Variants in SLC2A12 observed in about 807,000 individuals in gnomAD.
The protein encoded by SLC2A12 is solute carrier family 2 member 12.
In SLC2A12, 23 loss-of-function variants were observed where a neutral mutation model predicts 41.8. The observed-to-expected ratio is 0.55, with a 90% CI of 0.40 to 0.78. SLC2A12 has a LOEUF of 0.78. Among genes scored for constraint, SLC2A12 ranks in the 30% least tolerant of loss-of-function variants. SLC2A12 has a pLI of 0.00. For synonymous variants in SLC2A12, 295 were observed against 285.9 expected, an observed-to-expected ratio of 1.03 and a Z score of -0.32; for missense variants, 654 against 745.6, an observed-to-expected ratio of 0.88 and a Z score of 1.43.
At chr6:133,991,611 T>C (rs1005808075) in intron 4 of SLC2A12, among the ~76,000 whole-genome samples, 3 of 152,152 alleles carry the variant, frequency 2.0e-5, no homozygotes, top group Admixed American at 6.5e-5. Context: ...CCAGACCTTA[T>C]TTTTTTCCAT....
chr6:134,040,163 A>C (rs1462389263), intron 1 of SLC2A12, among the ~76,000 whole-genome samples: 1 of 149,940 alleles, frequency 6.7e-6, no homozygotes, highest in Non-Finnish European at 1.5e-5. Flanking sequence ...TGCAACCTCC[A>C]CACCTCCCAG....
intron 3 of SLC2A12, among the ~76,000 whole-genome samples, chr6:134,003,388 G>A (rs1358161635): frequency 1.3e-5 from 2 of 152,142 alleles, no homozygotes; most frequent in Non-Finnish European, 2.9e-5. Context: ...AAACCCTAAA[G>A]GCTGTCTCAT....
chr6:133,991,535 A>C (rs1582592364), intron 4 of SLC2A12, among the ~76,000 whole-genome samples: 1 of 152,216 alleles, frequency 6.6e-6, no homozygotes, highest in Non-Finnish European at 1.5e-5. Flanking sequence ...CAATCCCAGC[A>C]GTCAGCTCTG....
intron 1 of SLC2A12, among the ~76,000 whole-genome samples, chr6:134,040,389 C>T (rs1322351840): frequency 6.6e-6 from 1 of 152,104 alleles, no homozygotes; most frequent in African/African-American, 2.4e-5. Flanking sequence ...TCAGGTATTT[C>T]TTTATAGCAA....
Position 134,052,400 on chromosome 6 carries a change from G to A in SLC2A12, c.81C>T (p.Ser27=). The A allele has an allele frequency of 6.2e-7, 1 of 1,612,906 alleles. No individual in the cohort carries two copies. Among genetic ancestry groups the A allele is most frequent in the Non-Finnish European group, 8.5e-7 (1 of 1,179,978 alleles). Residue 27 remains serine, a synonymous_variant, in exon 1 of 5, where the codon AGC becomes AGT. Coordinates refer to ENST00000275230, the MANE Select transcript of SLC2A12 (RefSeq NM_145176.3). ...GTAVETEGSG[S]RHPPWARGCG... ...TACCTCTCGCCCAGGGAGGATGCCGGCTGCCGCTGCCCTCCGTCTCCACGG... is the reference window on the plus strand; with the variant it reads ...TACCTCTCGCCCAGGGAGGATGCCGACTGCCGCTGCCCTCCGTCTCCACGG...
In SLC2A12 at chr6:134,006,176, G is replaced by GAAAAAAAAAA. The variant is rs1182572567; in HGVS notation, c.1567+626_1567+635dup. On this transcript the variant is annotated intron_variant, in intron 3 of 4. Transcript: ENST00000275230. Reference sequence around the variant, plus strand: ...CCTGGGCAACAGAGAGAGACTATCGGAAAAAAAAAAAAAAAACAAAAAAAA... The same window carrying GAAAAAAAAAA: ...CCTGGGCAACAGAGAGAGACTATCGGAAAAAAAAAAAAAAAAAAAAAAAAAACAAAAAAAA... Among the ~76,000 whole-genome samples, 18 of 61,774 alleles carry GAAAAAAAAAA rather than the reference G, an allele frequency of 2.9e-4. 1 individual carries two copies. The highest frequency in any genetic ancestry group is 4.6e-4 in the Non-Finnish European group (14 of 30,588). The allele number at this position is 61,774 out of a possible 152,430, so 40.5% of individuals were successfully genotyped here.
At chr6:134,038,700 C>CTTTTTTTTTT (rs200794350) in intron 1 of SLC2A12, among the ~76,000 whole-genome samples, 3 of 82,128 alleles carry the variant, frequency 3.7e-5, no homozygotes, top group African/African-American at 6.4e-5. Context: ...CCTTTCTTTC[C>CTTTTTTTTTT]TTTTTTTTTT....
chr6:133,999,466 T>A (rs1776730405), intron 4 of SLC2A12, among the ~76,000 whole-genome samples: 1 of 152,252 alleles, frequency 6.6e-6, no homozygotes, highest in Admixed American at 6.5e-5. Context: ...GGACTTGTGC[T>A]GACAATAGAA....
At chr6:134,042,313 T>A (rs1214288228) in intron 1 of SLC2A12, among the ~76,000 whole-genome samples, 1 of 152,114 alleles carries the variant, frequency 6.6e-6, no homozygotes, top group Non-Finnish European at 1.5e-5. Flanking sequence ...TGGATGAAGG[T>A]CCTTTTAGGA....
intron 4 of SLC2A12, among the ~76,000 whole-genome samples, chr6:133,995,072 C>T (rs951942596): frequency 6.6e-5 from 10 of 152,226 alleles, no homozygotes; most frequent in Non-Finnish European, 1.2e-4. Context: ...GGAGCAGCTT[C>T]GTGAGAATGG....
chr6:134,021,167 GT>G (rs149842309), intron 2 of SLC2A12, among the ~76,000 whole-genome samples: 2 of 152,208 alleles, frequency 1.3e-5, no homozygotes, highest in East Asian at 1.9e-4. Flanking sequence ...AGGAACAGGA[GT>G]TTTTTTGGCA....
intron 1 of SLC2A12, among the ~76,000 whole-genome samples, chr6:134,033,906 C>T (rs574049845): frequency 7.7e-4 from 117 of 151,966 alleles, no homozygotes; most frequent in African/African-American, 2.8e-3. Flanking sequence ...GAGCTCCTGA[C>T]AGAAGAGGGA....
intron 3 of SLC2A12, among the ~76,000 whole-genome samples, chr6:134,004,224 G>T (rs753227713): frequency 6.6e-6 from 1 of 151,968 alleles, no homozygotes; most frequent in East Asian, 1.9e-4. Flanking sequence ...CAGATGGAGG[G>T]TGTGTGTGTG....
At chr6:134,015,878 A>C (rs1776954249) in intron 2 of SLC2A12, among the ~76,000 whole-genome samples, 1 of 152,176 alleles carries the variant, frequency 6.6e-6, no homozygotes, top group African/African-American at 2.4e-5. Context: ...TCTAAGTTTA[A>C]ATTTTACGGC....
At chr6:134,018,855 C>CACAT (rs1777003194) in intron 2 of SLC2A12, among the ~76,000 whole-genome samples, 1 of 152,084 alleles carries the variant, frequency 6.6e-6, no homozygotes. Flanking sequence ...GTGAGCAAGA[C>CACAT]ACATGTGCTG....
chr6:133,997,013 G>A (rs868275404), intron 4 of SLC2A12, among the ~76,000 whole-genome samples: 15 of 150,618 alleles, frequency 1.0e-4, no homozygotes, highest in Middle Eastern at 3.5e-3. Context: ...AGGCAAAGGC[G>A]GGCAGATCAC....
chr6:134,019,394 A>G (rs952873686), intron 2 of SLC2A12, among the ~76,000 whole-genome samples: 2 of 152,240 alleles, frequency 1.3e-5, no homozygotes, highest in African/African-American at 4.8e-5. Context: ...GTGTCTTCAC[A>G]ATGTCAAGAA....
intron 2 of SLC2A12, among the ~76,000 whole-genome samples, chr6:134,008,843 C>T (rs1776845108): frequency 6.6e-6 from 1 of 152,200 alleles, no homozygotes; most frequent in African/African-American, 2.4e-5. Context: ...AGGGTCCCTA[C>T]AACCATTTGC....
At chr6:134,048,179 G>A (rs1773601851) in intron 1 of SLC2A12, among the ~76,000 whole-genome samples, 1 of 152,166 alleles carries the variant, frequency 6.6e-6, no homozygotes, top group South Asian at 2.1e-4. Flanking sequence ...TTCCAAGTGA[G>A]GTTAAATGTA....
Sources: allele counts gnomAD v4.1 joint callset (sites outside exome capture counted in the v4.1 genomes callset), GRCh38; gene constraint gnomAD v4.1.1; transcripts MANE v1.5; gene names NCBI Gene and HGNC (gene_info 2026-07-23, HGNC 2026-07-21).